ADAMTS17: variants seen among roughly 807,000 people sequenced by gnomAD.
The protein encoded by ADAMTS17 is ADAM metallopeptidase with thrombospondin type 1 motif 17.
A neutral mutation model predicts 141.5 loss-of-function variants in ADAMTS17; 113 were observed. The observed-to-expected ratio is 0.80, with a 90% CI of 0.69 to 0.93. The LOEUF (loss-of-function observed/expected upper bound fraction) is 0.93, where lower values mean the gene tolerates loss of function less well. Ranked by LOEUF, ADAMTS17 falls within the 40% of genes least tolerant of loss-of-function variation. The pLI, the probability that ADAMTS17 is intolerant of heterozygous loss-of-function variation, is 0.00. For synonymous variants in ADAMTS17, 768 were observed against 630.6 expected, an observed-to-expected ratio of 1.22 and a Z score of -3.27; for missense variants, 1,659 against 1,517.9, an observed-to-expected ratio of 1.09 and a Z score of -1.54.
At chr15:100,031,525 A>T (rs1319942904) in intron 18 of ADAMTS17, among the ~76,000 whole-genome samples, 3 of 152,152 alleles carry the variant, frequency 2.0e-5, no homozygotes, top group African/African-American at 7.2e-5. Flanking sequence ...TAACTAGAAG[A>T]CAATCCAACA....
At chr15:100,313,808 C>G (rs2045477782) in intron 3 of ADAMTS17, among the ~76,000 whole-genome samples, 1 of 144,200 alleles carries the variant, frequency 6.9e-6, no homozygotes, top group South Asian at 2.3e-4. Flanking sequence ...CAAACGTCAC[C>G]ATGAAGAAAC....
intron 15 of ADAMTS17, among the ~76,000 whole-genome samples, chr15:100,064,166 G>C (rs1488854604): frequency 3.3e-5 from 5 of 152,134 alleles, no homozygotes; most frequent in Non-Finnish European, 7.3e-5. Context: ...AATGTCGCGA[G>C]AACATGAAGG....
At chr15:100,286,911 A>T (rs1257105932) in intron 3 of ADAMTS17, among the ~76,000 whole-genome samples, 1 of 152,232 alleles carries the variant, frequency 6.6e-6, no homozygotes, top group Non-Finnish European at 1.5e-5. Flanking sequence ...GAGCTAAAAG[A>T]TGAAACGGCC....
At chr15:100,107,630 C>T (rs893502504) in intron 14 of ADAMTS17, among the ~76,000 whole-genome samples, 1 of 152,058 alleles carries the variant, frequency 6.6e-6, no homozygotes, top group African/African-American at 2.4e-5. Context: ...GAGGGCAGAA[C>T]TCTCATGAAC....
intron 7 of ADAMTS17, among the ~76,000 whole-genome samples, chr15:100,244,903 T>C (rs546377293): frequency 6.6e-6 from 1 of 152,078 alleles, no homozygotes; most frequent in African/African-American, 2.4e-5. Context: ...CAAGGCCTAG[T>C]TTCCATTTAT....
At chr15:99,983,393 C>T (rs868747464) in intron 20 of ADAMTS17, among the ~76,000 whole-genome samples, 1 of 152,200 alleles carries the variant, frequency 6.6e-6, no homozygotes, top group Non-Finnish European at 1.5e-5. Context: ...TAGCCTGCCC[C>T]TGCCCCCCAC....
rs1237258438 is a variant in ADAMTS17 at position 100,216,172 on chromosome 15, G to A, written c.1076-16749C>T. Among the ~76,000 whole-genome samples the A allele has an allele frequency of 5.9e-5, 9 of 152,270 alleles. No homozygotes were observed. The Middle Eastern group carries it at 0.014, about 230-fold the overall frequency. ...GTAAGATGAGATGAACACCTACCTC[G>A]TGGAATTGAGGATTAAATGAATAAT... On this transcript the variant is annotated intron_variant, in intron 7 of 21. Transcript: ENST00000268070.
intron 3 of ADAMTS17, among the ~76,000 whole-genome samples, chr15:100,297,080 G>C (rs1465869599): frequency 2.0e-5 from 3 of 152,204 alleles, no homozygotes; most frequent in Non-Finnish European, 4.4e-5. Flanking sequence ...AGTGATGCAA[G>C]GGCCAAGGTT....
At chr15:100,034,573 C>T (rs552861135) in intron 18 of ADAMTS17, among the ~76,000 whole-genome samples, 10 of 152,332 alleles carry the variant, frequency 6.6e-5, no homozygotes, top group East Asian at 3.9e-4. Flanking sequence ...AAGGACCCCG[C>T]GTGTACACCA....
chr15:100,052,630 C>T (rs1161124188), intron 16 of ADAMTS17, among the ~76,000 whole-genome samples: 1 of 152,208 alleles, frequency 6.6e-6, no homozygotes, highest in Non-Finnish European at 1.5e-5. Flanking sequence ...AGTTTCAGTA[C>T]AGGTTTTATG....
At chr15:100,239,150 C>G (rs938938174) in intron 7 of ADAMTS17, among the ~76,000 whole-genome samples, 2 of 152,242 alleles carry the variant, frequency 1.3e-5, no homozygotes, top group African/African-American at 2.4e-5. Flanking sequence ...GGGTCAGAGC[C>G]TAGCTTGGCT....
At chr15:100,086,235 T>G (rs569845112) in intron 15 of ADAMTS17, among the ~76,000 whole-genome samples, 1 of 151,712 alleles carries the variant, frequency 6.6e-6, no homozygotes, top group Non-Finnish European at 1.5e-5. Flanking sequence ...CAACAAAGAT[T>G]AAAAGAGACA....
intron 3 of ADAMTS17, among the ~76,000 whole-genome samples, chr15:100,282,068 C>T (rs2044303904): frequency 1.3e-5 from 2 of 152,162 alleles, no homozygotes. Flanking sequence ...CCTGTAAAAT[C>T]TTACTTTGAT....
At chr15:100,309,791 G>T (rs961176753) in intron 3 of ADAMTS17, among the ~76,000 whole-genome samples, 2 of 152,150 alleles carry the variant, frequency 1.3e-5, no homozygotes, top group Non-Finnish European at 1.5e-5. Context: ...CACCCCAACT[G>T]CCTGGGGGTC....
Position 100,341,065 on chromosome 15 carries a change from T to C in ADAMTS17, c.424A>G (p.Ser142Gly). The C allele has an allele frequency of 1.3e-6, 2 of 1,521,520 alleles. No individual in the cohort carries two copies. The highest frequency in any genetic ancestry group is 8.8e-7 in the Non-Finnish European group (1 of 1,139,716). 94.3% of individuals were successfully genotyped at this position (1,521,520 alleles called of 1,614,324 possible). Residue 142 changes from serine (S) to glycine (G), a missense_variant, in exon 2 of 22, where the codon AGC (serine) becomes GGC (glycine). Physicochemically the swap from Ser to Gly is moderately conservative, Grantham distance 56. Coordinates refer to ENST00000268070, the MANE Select transcript of ADAMTS17 (RefSeq NM_139057.4). ...LGHPGSLVSLSACGAAGGLVG... is the reference protein window; with the variant it reads ...LGHPGSLVSLGACGAAGGLVG... ...AGGCCGCCGGCGGCGCCGCAGGCGC[T>C]GAGCGAGACGAGGGAGCCGGGGTGG...
chr15:100,264,292 A>G (rs1033696975), intron 4 of ADAMTS17, among the ~76,000 whole-genome samples: 3 of 152,132 alleles, frequency 2.0e-5, no homozygotes, highest in African/African-American at 7.2e-5. Flanking sequence ...CTGTTTTGAT[A>G]GTTCGAGAAC....
chr15:100,053,848 C>T, intron 16 of ADAMTS17, 49 bp downstream of exon 16: 2 of 1,613,978 alleles, frequency 1.2e-6, no homozygotes, highest in Non-Finnish European at 1.7e-6. Flanking sequence ...CCTAGTAGAC[C>T]TCTCGGAGCC....
At chr15:100,235,167 G>C (rs2042616622) in intron 7 of ADAMTS17, among the ~76,000 whole-genome samples, 1 of 152,154 alleles carries the variant, frequency 6.6e-6, no homozygotes, top group South Asian at 2.1e-4. Context: ...ACGGAAGGGA[G>C]AAATGGCCTT....
intron 4 of ADAMTS17, among the ~76,000 whole-genome samples, chr15:100,271,496 A>G (rs1470911974): frequency 6.6e-6 from 1 of 152,184 alleles, no homozygotes; most frequent in Non-Finnish European, 1.5e-5. Context: ...GATTGATGCC[A>G]AGTATCTTTC....
Sources: allele counts gnomAD v4.1 joint callset (sites outside exome capture counted in the v4.1 genomes callset), GRCh38; gene constraint gnomAD v4.1.1; transcripts MANE v1.5; gene names NCBI Gene and HGNC (gene_info 2026-07-23, HGNC 2026-07-21).